The following PDE4C variants were observed in gnomAD, a reference collection of about 807,000 sequenced individuals.
PDE4C encodes the protein 3',5'-cyclic-AMP phosphodiesterase 4C.
Under a neutral mutation model 63.9 loss-of-function variants are expected in PDE4C, and 50 were observed. The ratio of observed to expected loss-of-function variants is 0.78; its 90% CI spans 0.62 to 0.99. The LOEUF (loss-of-function observed/expected upper bound fraction) is 0.99. PDE4C is among the 50% of genes least tolerant of loss of function. The pLI, the probability that PDE4C is intolerant of heterozygous loss-of-function variation, is 0.00. For synonymous variants in PDE4C, 377 were observed against 385.1 expected, an observed-to-expected ratio of 0.98 and a Z score of 0.25; for missense variants, 777 against 899.1, an observed-to-expected ratio of 0.86 and a Z score of 1.74.
chr19:18,222,678 T>C (rs867722659), intron 1 of PDE4C, among the ~76,000 whole-genome samples: 7 of 92,684 alleles, frequency 7.6e-5, no homozygotes, highest in Non-Finnish European at 1.0e-4. Flanking sequence ...TCTCTCTCTC[T>C]CTCTCTCTCG....
exon 8 of PDE4C, chr19:18,219,343 G>C: frequency 1.2e-6 from 2 of 1,613,928 alleles, no homozygotes; most frequent in Non-Finnish European, 1.7e-6. Flanking sequence ...CCGGGACATG[G>C]GCTGTGGGGC....
chr19:18,234,291 C>G (rs1242711382), upstream of PDE4C: 1 of 152,358 alleles, frequency 6.6e-6, no homozygotes, highest in Non-Finnish European at 1.5e-5. Context: ...CACCAACACA[C>G]AGACCCTCAG....
intron 7 of PDE4C, chr19:18,219,703 A>G (rs1408569396): frequency 1.4e-5 from 4 of 290,096 alleles, no homozygotes; most frequent in Non-Finnish European, 2.6e-5. Context: ...AGGCACCTGT[A>G]ACCCCAGCTA....
chr19:18,252,030 C>T, upstream of PDE4C: 1 of 398,758 alleles, frequency 2.5e-6, no homozygotes, highest in Non-Finnish European at 4.4e-6. Flanking sequence ...CACCCGCCAC[C>T]TCCCTACAAA....
chr19:18,230,875 T>A (rs1215060251), upstream of PDE4C, among the ~76,000 whole-genome samples: 1 of 152,174 alleles, frequency 6.6e-6, no homozygotes, highest in Non-Finnish European at 1.5e-5. Flanking sequence ...TGGTTGCGTC[T>A]CCAACACAGG....
At chr19:18,226,162 G>A in intron 1 of PDE4C, 108 bp downstream of exon 1, 1 of 861,616 alleles carries the variant, frequency 1.2e-6, no homozygotes, top group Non-Finnish European at 1.8e-6. Flanking sequence ...TCCAAGCCCG[G>A]ACTCCGGCCC....
chr19:18,227,260 G>A (rs1176694444), upstream of PDE4C, among the ~76,000 whole-genome samples: 1 of 152,086 alleles, frequency 6.6e-6, no homozygotes, highest in Non-Finnish European at 1.5e-5. Context: ...CATGGACGCG[G>A]TCACGGGCAT....
chr19:18,223,271 C>T (rs898978159), intron 1 of PDE4C, among the ~76,000 whole-genome samples: 1 of 145,806 alleles, frequency 6.9e-6, no homozygotes, highest in Non-Finnish European at 1.5e-5. Context: ...AGTGCAATGG[C>T]ACAATCTCAG....
At chr19:18,210,730 G>T in exon 15 of PDE4C, 1 of 841,616 alleles carries the variant, frequency 1.2e-6, no homozygotes, top group Non-Finnish European at 1.7e-6. Context: ...TTTTAGGCAA[G>T]TCTAGGGTCA....
chr19:18,239,208 G>A (rs910262040), intron 1 of PDE4C, among the ~76,000 whole-genome samples: 6 of 152,238 alleles, frequency 3.9e-5, no homozygotes, highest in Non-Finnish European at 8.8e-5. Flanking sequence ...AGTAACTAGA[G>A]CCCAAGGTTG....
chr19:18,223,585 C>G (rs1968589869), intron 1 of PDE4C, among the ~76,000 whole-genome samples: 1 of 152,182 alleles, frequency 6.6e-6, no homozygotes, highest in Admixed American at 6.5e-5. Context: ...ACCTCGTGAT[C>G]TGCCCGCCTC....
upstream of PDE4C, chr19:18,233,744 C>T (rs901542723): frequency 3.0e-5 from 10 of 333,676 alleles, no homozygotes; most frequent in East Asian, 8.7e-5. Flanking sequence ...GGAGGGAGAC[C>T]GGGGTTCAGG....
chr19:18,245,900 G>A (rs1449478187), intron 1 of PDE4C, among the ~76,000 whole-genome samples: 3 of 152,122 alleles, frequency 2.0e-5, no homozygotes, highest in Non-Finnish European at 4.4e-5. Flanking sequence ...CTGGAGTGCA[G>A]TGGCGCAATC....
chr19:18,220,758 G>A lies in PDE4C; in HGVS notation c.499+116C>T. On this transcript the variant is annotated intron_variant, in intron 5 of 14. Transcript: ENST00000262805. The surrounding 1 kb of genome is among the most constrained non-coding windows in gnomAD (Gnocchi z 5.1). ...CATCCCCGAGGGCGTTATTGTTTTTGCAGGGGCGGGGCTACAATTAGCCCC... is the reference window on the plus strand; with the variant it reads ...CATCCCCGAGGGCGTTATTGTTTTTACAGGGGCGGGGCTACAATTAGCCCC... 2.9e-6 allele frequency: 3 copies of A among 1,048,588 alleles called. No homozygotes were observed. The highest frequency in any genetic ancestry group is 4.4e-6 in the Non-Finnish European group (3 of 688,158). The allele number at this position is 1,048,588 out of a possible 1,614,324, so 65.0% of individuals were successfully genotyped here.
upstream of PDE4C, among the ~76,000 whole-genome samples, chr19:18,237,615 G>A (rs961697705): frequency 6.6e-6 from 1 of 151,292 alleles, no homozygotes; most frequent in Non-Finnish European, 1.5e-5. Context: ...GCTCACGCCT[G>A]TAATCCCAGC....
chr19:18,246,969 G>A (rs117969725), intron 1 of PDE4C, among the ~76,000 whole-genome samples: 2,013 of 152,276 alleles, frequency 0.013, 94 homozygotes, highest in Admixed American at 0.097. Context: ...GAGTCCTAGA[G>A]AGGTTACCAG....
At chr19:18,213,241 G>A (rs777548172) in intron 13 of PDE4C, 127 bp downstream of exon 13, 33 of 733,616 alleles carry the variant, frequency 4.5e-5, no homozygotes, top group South Asian at 2.4e-4. Context: ...CCAAGATGGC[G>A]CCACTGCACT....
intron 14 of PDE4C, 93 bp downstream of exon 14, chr19:18,211,666 C>G: frequency 2.1e-6 from 3 of 1,430,162 alleles, no homozygotes; most frequent in Non-Finnish European, 1.9e-6. Flanking sequence ...CCTGGCTAGC[C>G]AGCCAGGGCC....
intron 7 of PDE4C, among the ~76,000 whole-genome samples, chr19:18,219,888 C>T (rs1207210346): frequency 1.3e-5 from 2 of 152,026 alleles, no homozygotes; most frequent in Non-Finnish European, 2.9e-5. Flanking sequence ...CACAGCTGAT[C>T]TCAGTAAACC....
Sources: allele counts gnomAD v4.1 joint callset (sites outside exome capture counted in the v4.1 genomes callset), GRCh38; gene constraint gnomAD v4.1.1; non-coding constraint Gnocchi (gnomAD v3.1); transcripts MANE v1.5; gene names NCBI Gene and HGNC (gene_info 2026-07-23, HGNC 2026-07-21).